ENTREP2: variants seen among roughly 807,000 people sequenced by gnomAD.
The protein encoded by ENTREP2 is protein ENTREP2.
the ENTREP2 span, among the ~76,000 whole-genome samples, chr15:29,357,764 G>A: frequency 1.1e-3 from 167 of 152,114 alleles, no homozygotes; most frequent in African/African-American, 3.7e-3. Context: ...GCATGAACCC[G>A]GGAGGCGGAG....
the ENTREP2 span, among the ~76,000 whole-genome samples, chr15:29,148,025 G>C: frequency 6.6e-6 from 1 of 152,164 alleles, no homozygotes; most frequent in Admixed American, 6.5e-5. Context: ...CATGCTAAAT[G>C]AAAGAAGCCA....
chr15:29,320,078 G>T, the ENTREP2 span, among the ~76,000 whole-genome samples: 1 of 152,146 alleles, frequency 6.6e-6, no homozygotes, highest in Non-Finnish European at 1.5e-5. Context: ...CTGACCCCAT[G>T]CCCGTGCAGC....
the ENTREP2 span, among the ~76,000 whole-genome samples, chr15:29,384,343 T>C: frequency 6.6e-6 from 1 of 152,082 alleles, no homozygotes; most frequent in Non-Finnish European, 1.5e-5. Flanking sequence ...CTAAGCAGGA[T>C]CCATTCTTCT....
chr15:29,139,229 A>G, the ENTREP2 span, among the ~76,000 whole-genome samples: 2 of 152,218 alleles, frequency 1.3e-5, no homozygotes, highest in African/African-American at 4.8e-5. Flanking sequence ...AAGGTCTAAC[A>G]CATCACAGGA....
At chr15:29,670,431 T>C in the ENTREP2 span, among the ~76,000 whole-genome samples, 4 of 152,188 alleles carry the variant, frequency 2.6e-5, no homozygotes, top group African/African-American at 9.6e-5. Flanking sequence ...TCACAAGATG[T>C]TTCAGGCCTT....
At chr15:29,269,772 G>A in the ENTREP2 span, 3 of 1,374,984 alleles carry the variant, frequency 2.2e-6, no homozygotes, top group African/African-American at 1.5e-5. Context: ...TTGCGGGTCG[G>A]CGACCCGCTA....
At chr15:29,232,977 G>A in the ENTREP2 span, among the ~76,000 whole-genome samples, 1 of 152,148 alleles carries the variant, frequency 6.6e-6, no homozygotes, top group Non-Finnish European at 1.5e-5. Context: ...TTTAGTTTTT[G>A]AATAGTCTTC....
chr15:29,328,621 T>C, the ENTREP2 span, among the ~76,000 whole-genome samples: 1 of 152,200 alleles, frequency 6.6e-6, no homozygotes, highest in East Asian at 1.9e-4. Context: ...GTTGATAAAT[T>C]TGTTTCCCAG....
chr15:29,363,738 C>T, the ENTREP2 span, among the ~76,000 whole-genome samples: 1 of 152,136 alleles, frequency 6.6e-6, no homozygotes, highest in Admixed American at 6.5e-5. Context: ...TATTTTTCTT[C>T]AACAGTTGTC....
chr15:29,431,692 T>G, the ENTREP2 span, among the ~76,000 whole-genome samples: 1 of 152,124 alleles, frequency 6.6e-6, no homozygotes, highest in Non-Finnish European at 1.5e-5. Context: ...GCACAGAACA[T>G]AGAGAACTCA....
At chr15:29,288,032 T>C in the ENTREP2 span, among the ~76,000 whole-genome samples, 64 of 152,180 alleles carry the variant, frequency 4.2e-4, no homozygotes, top group African/African-American at 1.5e-3. Context: ...CCAGGATCAA[T>C]TGGATATTCA....
the ENTREP2 span, among the ~76,000 whole-genome samples, chr15:29,527,454 C>G: frequency 0.051 from 7,810 of 152,166 alleles, 621 homozygotes; most frequent in African/African-American, 0.18. Context: ...AAAAATAATC[C>G]CAACAATCAA....
the ENTREP2 span, among the ~76,000 whole-genome samples, chr15:29,651,685 G>A: frequency 2.0e-5 from 3 of 152,352 alleles, no homozygotes. Context: ...GCCAAGCCCA[G>A]GCACTGTCAC....
chr15:29,268,010 G>A, the ENTREP2 span: 3 of 152,108 alleles, frequency 2.0e-5, no homozygotes, highest in Admixed American at 6.5e-5. Context: ...TTCACCTCAT[G>A]ATCCTGATTT....
chr15:29,348,507 G>A, the ENTREP2 span, among the ~76,000 whole-genome samples: 9,541 of 152,248 alleles, frequency 0.063, 526 homozygotes, highest in African/African-American at 0.14. Flanking sequence ...AGACCGGCTC[G>A]GGAGTGGGAG....
the ENTREP2 span, among the ~76,000 whole-genome samples, chr15:29,144,891 AT>A: frequency 6.6e-6 from 1 of 152,110 alleles, no homozygotes; most frequent in Admixed American, 6.5e-5. Context: ...AATAAAAAAA[AT>A]AAAAAAATAA....
At chr15:29,558,633 T>G in the ENTREP2 span, among the ~76,000 whole-genome samples, 1 of 2,894 alleles carries the variant, frequency 3.5e-4, no homozygotes, top group Non-Finnish European at 9.0e-4. Flanking sequence ...ACATGGATTT[T>G]TTTCAGTCAA....
At chr15:29,489,318 A>G in the ENTREP2 span, among the ~76,000 whole-genome samples, 1 of 152,176 alleles carries the variant, frequency 6.6e-6, no homozygotes, top group Non-Finnish European at 1.5e-5. Flanking sequence ...GCTTGTAGCA[A>G]TATCAAAAGG....
the ENTREP2 span, chr15:29,234,662 G>C: frequency 6.4e-6 from 10 of 1,566,058 alleles, no homozygotes; most frequent in South Asian, 1.0e-4. Flanking sequence ...TTCACCACAA[G>C]AGAGAAAAGT....
Sources: gnomAD v4.1 joint callset for allele counts (sites outside exome capture counted in the v4.1 genomes callset) on GRCh38, gnomAD v4.1.1 for gene constraint, MANE v1.5 for transcripts, NCBI Gene and HGNC (gene_info 2026-07-23, HGNC 2026-07-21) for gene names.